The following KLHL13 variants were observed in gnomAD, a reference collection of about 807,000 sequenced individuals.
KLHL13 encodes the protein kelch-like protein 13.
KLHL13 carries 10 observed loss-of-function variants against 37.1 expected under a neutral mutation model. The observed-to-expected ratio is 0.27, with a 90% CI of 0.17 to 0.46. The LOEUF (loss-of-function observed/expected upper bound fraction) is 0.46, where lower values mean the gene tolerates loss of function less well. Among genes scored for constraint, KLHL13 ranks in the 20% least tolerant of loss-of-function variants. KLHL13 has a pLI of 1.00. For synonymous variants in KLHL13, 163 were observed against 181.2 expected (o/e 0.90, Z 0.81); for missense variants, 360 against 509.3 (o/e 0.71, Z 2.82).
chrX:117,933,069 A>ATT (rs113938136), intron 2 of KLHL13, among the ~76,000 whole-genome samples: 4 of 103,018 alleles, frequency 3.9e-5, no homozygotes, highest in African/African-American at 1.4e-4. Context: ...TGGATAATTT[A>ATT]TTTTTTTTTT....
intron 1 of KLHL13, among the ~76,000 whole-genome samples, chrX:117,959,436 T>C (rs919312176): frequency 8.9e-6 from 1 of 112,336 alleles, no homozygotes; most frequent in Non-Finnish European, 1.9e-5. Flanking sequence ...AGAACATGTT[T>C]CACTGTCAGA....
At chrX:117,936,641 C>T (rs752338980) in intron 2 of KLHL13, among the ~76,000 whole-genome samples, 3 of 110,787 alleles carry the variant, frequency 2.7e-5, no homozygotes, top group Non-Finnish European at 5.7e-5. Context: ...TCTGCTCTGT[C>T]TAGGTGAGAC....
intron 1 of KLHL13, among the ~76,000 whole-genome samples, chrX:118,027,112 G>A (rs2054282502): frequency 9.0e-6 from 1 of 111,641 alleles, no homozygotes; most frequent in Admixed American, 9.5e-5. Context: ...AGGATTTTCA[G>A]AAGGGCCAAA....
intron 1 of KLHL13, among the ~76,000 whole-genome samples, chrX:118,088,704 T>TA (rs2055082257): frequency 8.9e-6 from 1 of 112,000 alleles, no homozygotes; most frequent in Non-Finnish European, 1.9e-5. Flanking sequence ...TATAATAACT[T>TA]ACGAAAAAGT....
intron 2 of KLHL13, among the ~76,000 whole-genome samples, chrX:117,924,144 C>A (rs761750146): frequency 8.9e-6 from 1 of 111,936 alleles, no homozygotes; most frequent in South Asian, 3.7e-4. Context: ...CTATCTTTAT[C>A]CAAATGATAT....
chrX:118,022,804 T>C (rs1216038529), intron 1 of KLHL13, among the ~76,000 whole-genome samples: 1 of 112,150 alleles, frequency 8.9e-6, no homozygotes, highest in African/African-American at 3.2e-5. Flanking sequence ...GTTTTGTTTA[T>C]TGTTTTCCTT....
intron 1 of KLHL13, among the ~76,000 whole-genome samples, chrX:118,100,719 T>G (rs1390979966): frequency 9.0e-6 from 1 of 111,410 alleles, no homozygotes; most frequent in Non-Finnish European, 1.9e-5. Context: ...TTTTCTGTAT[T>G]CTCTCTTACT....
rs546217784 is a variant in KLHL13 at position 118,092,071 on chromosome X, G to T, written c.-56+24437C>A. Among the ~76,000 whole-genome samples the T allele has an allele frequency of 6.3e-5, 7 of 111,552 alleles. No homozygotes were observed. In the South Asian group the frequency reaches 2.7e-3, roughly 43 times the overall value. On this transcript the variant is annotated intron_variant, in intron 1 of 6. Transcript: ENST00000371882. ...TGGACACTCAGGAGAAAGGGATGGG[G>T]GTGGCAAGGGATAAAAGACTTCACA... is the stretch of plus-strand genomic sequence containing the variant.
intron 2 of KLHL13, among the ~76,000 whole-genome samples, chrX:117,932,105 T>C (rs990595241): frequency 9.0e-6 from 1 of 111,564 alleles, no homozygotes; most frequent in Non-Finnish European, 1.9e-5. Context: ...TCAATGCATG[T>C]ATACATAGTA....
exon 7 of KLHL13, chrX:117,899,014 T>C (rs1368119251): frequency 1.7e-6 from 2 of 1,209,709 alleles, no homozygotes; most frequent in African/African-American, 3.5e-5. Context: ...TTCTGGCAGA[T>C]CAAAAACCTT....
At chrX:118,002,595 AAAATAAATAAATAAATAAATAAAT>A (rs571584663) in intron 1 of KLHL13, among the ~76,000 whole-genome samples, 2 of 94,171 alleles carry the variant, frequency 2.1e-5, no homozygotes, top group Non-Finnish European at 4.1e-5. Context: ...CTCTGTCTCG[AAAATAAATAAATAAATAAATAAAT>A]AAATAAATAA....
chrX:118,093,271 T>C (rs1183769246), intron 1 of KLHL13, among the ~76,000 whole-genome samples: 2 of 112,063 alleles, frequency 1.8e-5, no homozygotes, highest in Non-Finnish European at 3.8e-5. Flanking sequence ...ATAATACTAG[T>C]TATATAAAAT....
At chrX:118,033,262 A>G (rs1396195012) in intron 1 of KLHL13, among the ~76,000 whole-genome samples, 2 of 111,071 alleles carry the variant, frequency 1.8e-5, no homozygotes, top group Admixed American at 9.6e-5. Flanking sequence ...ATACTCCTCA[A>G]GAAGAGCAAC....
chrX:117,992,440 C>T (rs1021464364), intron 1 of KLHL13, among the ~76,000 whole-genome samples: 1 of 110,878 alleles, frequency 9.0e-6, no homozygotes, highest in Admixed American at 9.6e-5. Flanking sequence ...TATTATGTGT[C>T]ATGTCCAAAC....
chrX:117,930,413 C>T lies in KLHL13; in HGVS notation c.241-10043G>A, dbSNP rs1384820313. On this transcript the variant is annotated intron_variant, in intron 2 of 6. Coordinates refer to ENST00000262820, the Ensembl canonical transcript of KLHL13. ...ATATAGGAAAACCTATAGAATCTAC[C>T]AAAAAAGCTGCTAGAACTGATAAGT... Among the ~76,000 whole-genome samples, 10 of 110,171 alleles carry T rather than the reference C, an allele frequency of 9.1e-5. No individual in the cohort carries two copies. The Admixed American group carries it at 9.6e-4, about 11-fold the overall frequency.
At position 117,901,949 on chromosome X, in the gene KLHL13, G is replaced by GT; in HGVS notation, c.1367-4dup. ...TGGATTGTAACATTCTACTGTGGCT[G>GT]TTAAAAAAAAAAAGAAAAGAAAATT... On this transcript the variant is annotated splice_polypyrimidine_tract_variant and splice_region_variant and intron_variant, in intron 5 of 6. Transcript: ENST00000262820. 2.0e-6 allele frequency: 2 copies of GT among 995,547 alleles called. No individual in the cohort carries two copies. Among genetic ancestry groups the GT allele is most frequent in the Non-Finnish European group, 2.8e-6 (2 of 725,193 alleles). The allele number at this position is 995,547 out of a possible 1,213,427, so 82.0% of individuals were successfully genotyped here.
intron 1 of KLHL13, among the ~76,000 whole-genome samples, chrX:118,060,280 T>C (rs1210322812): frequency 9.0e-6 from 1 of 111,402 alleles, no homozygotes; most frequent in African/African-American, 3.3e-5. Flanking sequence ...GGGTAATCCT[T>C]GTGCATCATG....
intron 4 of KLHL13, among the ~76,000 whole-genome samples, chrX:117,916,715 T>C (rs1931386730): frequency 8.9e-6 from 1 of 112,247 alleles, no homozygotes; most frequent in African/African-American, 3.2e-5. Context: ...ACACAAATGA[T>C]TGAGAATAGG....
intron 1 of KLHL13, among the ~76,000 whole-genome samples, chrX:118,081,237 T>C (rs940756693): frequency 9.0e-6 from 1 of 111,280 alleles, no homozygotes; most frequent in Non-Finnish European, 1.9e-5. Context: ...AAAATAAAAG[T>C]TGAAAATATT....
Sources: gnomAD v4.1 joint callset for allele counts (sites outside exome capture counted in the v4.1 genomes callset) on GRCh38, gnomAD v4.1.1 for gene constraint, MANE v1.5 for transcripts, NCBI Gene and HGNC (gene_info 2026-07-23, HGNC 2026-07-21) for gene names.